AIDA: variants seen among roughly 807,000 people sequenced by gnomAD.
AIDA encodes axin interactor, dorsalization associated, also known as axin interactor, dorsalization-associated protein.
A neutral mutation model predicts 42.7 loss-of-function variants in AIDA; 18 were observed. That is an observed-to-expected ratio of 0.42 (90% CI 0.29 to 0.63). The LOEUF is 0.63. Among genes scored for constraint, AIDA ranks in the 20% least tolerant of loss-of-function variants. The pLI, the probability that AIDA is intolerant of heterozygous loss-of-function variation, is 0.19. For synonymous variants in AIDA, 104 were observed against 122.9 expected (o/e 0.85, Z 1.02); for missense variants, 250 against 354.1 (o/e 0.71, Z 2.36).
chr1:222,672,176 T>A (rs1193858738), intron 8 of AIDA, among the ~76,000 whole-genome samples: 1 of 151,148 alleles, frequency 6.6e-6, no homozygotes, highest in Non-Finnish European at 1.5e-5. Flanking sequence ...ATTAATAGAG[T>A]CAAATTTTGA....
chr1:222,687,855 T>C (rs1408971832), intron 4 of AIDA, among the ~76,000 whole-genome samples, 197 bp from the exon 5 acceptor site: 2 of 152,184 alleles, frequency 1.3e-5, no homozygotes, highest in Admixed American at 1.3e-4. Context: ...TGATATACTC[T>C]AGGTACCAGT....
chr1:222,671,242 A>G (rs550426489), intron 8 of AIDA, among the ~76,000 whole-genome samples: 58 of 152,256 alleles, frequency 3.8e-4, no homozygotes, highest in Non-Finnish European at 7.8e-4. Context: ...AAAGAAAAAA[A>G]TAAGAAATTT....
At chr1:222,699,129 T>C (rs1655609171) in intron 2 of AIDA, among the ~76,000 whole-genome samples, 2 of 152,118 alleles carry the variant, frequency 1.3e-5, no homozygotes, top group African/African-American at 4.8e-5. Flanking sequence ...CTGGCCAAAG[T>C]ATGTTTTGTT....
intron 8 of AIDA, among the ~76,000 whole-genome samples, chr1:222,671,993 A>G (rs1664457423): frequency 6.6e-6 from 1 of 152,236 alleles, no homozygotes; most frequent in African/African-American, 2.4e-5. Flanking sequence ...ACCTGTAAAT[A>G]ATATATTTCC....
intron 7 of AIDA, among the ~76,000 whole-genome samples, chr1:222,675,575 G>A (rs915157140): frequency 2.6e-5 from 4 of 152,204 alleles, no homozygotes; most frequent in Non-Finnish European, 5.9e-5. Flanking sequence ...TGCATACTAT[G>A]GATCTATCCT....
At chr1:222,671,736 C>T (rs1355530693) in intron 8 of AIDA, among the ~76,000 whole-genome samples, 1 of 152,176 alleles carries the variant, frequency 6.6e-6, no homozygotes, top group Non-Finnish European at 1.5e-5. Context: ...AGGTGTGTGA[C>T]CTTGTCATTT....
Position 222,670,246 on chromosome 1 carries a change from T to G in AIDA, c.711A>C (p.Ala237=). 6.2e-7 allele frequency: 1 copy of G among 1,613,060 alleles called. No individual in the cohort carries two copies. The highest frequency in any genetic ancestry group is 2.2e-5 in the East Asian group (1 of 44,830). ...QKHVEKLTKG[A]AIFFEFKHYK... ...AGTGTTTGAATTCAAAGAAGATAGCTGCACCTAAGGAATTAAAACAAGCCA... is the reference window on the plus strand; with the variant it reads ...AGTGTTTGAATTCAAAGAAGATAGCGGCACCTAAGGAATTAAAACAAGCCA... Residue 237 remains alanine, a synonymous_variant, in exon 9 of 10, where the codon GCA becomes GCC. Transcript: ENST00000340020.
chr1:222,711,029 A>C (rs1317925587), intron 1 of AIDA, among the ~76,000 whole-genome samples: 1 of 133,376 alleles, frequency 7.5e-6, no homozygotes, highest in Non-Finnish European at 1.5e-5. Flanking sequence ...AGACGATAAG[A>C]GTTTAGATCT....
intron 7 of AIDA, among the ~76,000 whole-genome samples, chr1:222,675,178 T>G (rs1017002246): frequency 6.6e-6 from 1 of 152,220 alleles, no homozygotes; most frequent in East Asian, 1.9e-4. Flanking sequence ...AAAGTTCTCT[T>G]CATTTGATTT....
At position 222,673,057 on chromosome 1, in the gene AIDA, C is replaced by G. The variant is rs576706410; in HGVS notation, c.706+256G>C. Among the ~76,000 whole-genome samples the G allele has an allele frequency of 2.0e-5, 3 of 152,254 alleles. No homozygotes were observed. The South Asian group carries it at 6.2e-4, about 32-fold the overall frequency. On this transcript the variant is annotated intron_variant, in intron 8 of 9. Coordinates refer to ENST00000340020, the MANE Select transcript of AIDA (RefSeq NM_022831.4). ...TCCCAGCCCTTTAGTGTGTGAAAAA[C>G]TTTGTTTTGTTGGTAAAGACAATAA...
At chr1:222,695,936 T>G (rs187531497) in intron 2 of AIDA, among the ~76,000 whole-genome samples, 94 of 152,318 alleles carry the variant, frequency 6.2e-4, no homozygotes, top group Admixed American at 2.4e-3. Context: ...GAGTAACAAG[T>G]GCCATCCTGG....
intron 2 of AIDA, among the ~76,000 whole-genome samples, chr1:222,701,768 G>T (rs1655714174): frequency 6.6e-6 from 1 of 152,086 alleles, no homozygotes; most frequent in Admixed American, 6.6e-5. Context: ...CTGTCGCGCA[G>T]GCTGGAGTGC....
chr1:222,708,221 G>A (rs1197934077), intron 1 of AIDA, among the ~76,000 whole-genome samples: 1 of 151,706 alleles, frequency 6.6e-6, no homozygotes, highest in East Asian at 2.0e-4. Context: ...TGAGGCAGGA[G>A]AATCACTTGA....
intron 4 of AIDA, among the ~76,000 whole-genome samples, chr1:222,689,811 C>T (rs1571933130): frequency 6.6e-6 from 1 of 151,804 alleles, no homozygotes; most frequent in South Asian, 2.1e-4. Context: ...ATAAAGTCTA[C>T]GGTAGTGTAC....
At chr1:222,687,139 A>G (rs1432036936) in intron 5 of AIDA, 103 bp from the exon 6 acceptor site, 5 of 1,519,640 alleles carry the variant, frequency 3.3e-6, no homozygotes, top group African/African-American at 1.4e-5. Context: ...ATATAAAAAA[A>G]TGCTGATAGG....
chr1:222,670,781 T>C (rs1051791089), intron 8 of AIDA, among the ~76,000 whole-genome samples: 1 of 152,206 alleles, frequency 6.6e-6, no homozygotes, highest in Non-Finnish European at 1.5e-5. Context: ...CCTTAACACC[T>C]TTTTCAGTAT....
intron 1 of AIDA, among the ~76,000 whole-genome samples, chr1:222,705,085 C>G (rs2124969549): frequency 6.6e-6 from 1 of 152,272 alleles, no homozygotes; most frequent in Middle Eastern, 3.4e-3. Context: ...AGGTTTGCAT[C>G]CTCCTTAACA....
intron 2 of AIDA, among the ~76,000 whole-genome samples, chr1:222,702,491 G>A (rs1416777692): frequency 2.6e-5 from 4 of 151,668 alleles, no homozygotes; most frequent in South Asian, 2.1e-4. Flanking sequence ...AGCTTCAGTC[G>A]CCCATTTTTC....
intron 6 of AIDA, among the ~76,000 whole-genome samples, chr1:222,682,014 C>T (rs762709741): frequency 3.3e-5 from 5 of 152,164 alleles, no homozygotes; most frequent in Non-Finnish European, 5.9e-5. Context: ...CAAAGGCACT[C>T]TGGACAATGG....
Sources: gnomAD v4.1 joint callset for allele counts (sites outside exome capture counted in the v4.1 genomes callset) on GRCh38, gnomAD v4.1.1 for gene constraint, MANE v1.5 for transcripts, NCBI Gene and HGNC (gene_info 2026-07-23, HGNC 2026-07-21) for gene names.